AUTS2: variants seen among roughly 807,000 people sequenced by gnomAD.
AUTS2 encodes the protein activator of transcription and developmental regulator AUTS2.
A neutral mutation model predicts 112.4 loss-of-function variants in AUTS2; 17 were observed. The observed-to-expected ratio is 0.15, with a 90% CI of 0.10 to 0.23. AUTS2 has a LOEUF of 0.23. Among genes scored for constraint, AUTS2 ranks in the 10% least tolerant of loss-of-function variants. The pLI, the probability that AUTS2 is intolerant of heterozygous loss-of-function variation, is 1.00. For synonymous variants in AUTS2, 751 were observed against 702.7 expected, an observed-to-expected ratio of 1.07 and a Z score of -1.09; for missense variants, 1,510 against 1,701.6, an observed-to-expected ratio of 0.89 and a Z score of 1.98.
chr7:70,539,150 C>T (rs534541211), intron 5 of AUTS2, among the ~76,000 whole-genome samples: 2 of 152,108 alleles, frequency 1.3e-5, no homozygotes, highest in African/African-American at 2.4e-5. Context: ...GAGGTAGAGT[C>T]GCAACCTGGT....
chr7:70,584,781 C>G (rs572968790), intron 5 of AUTS2, among the ~76,000 whole-genome samples: 1 of 152,240 alleles, frequency 6.6e-6, no homozygotes, highest in African/African-American at 2.4e-5. Context: ...AGGAATCCCT[C>G]GTCCTGCCAG....
At chr7:69,826,316 T>G (rs961949994) in intron 1 of AUTS2, among the ~76,000 whole-genome samples, 5 of 152,160 alleles carry the variant, frequency 3.3e-5, no homozygotes, top group Non-Finnish European at 7.4e-5. Context: ...AGTTTATGGA[T>G]AAAAAAATTT....
At chr7:69,728,167 A>AAGGAGC (rs1034059724) in intron 1 of AUTS2, among the ~76,000 whole-genome samples, 3 of 152,180 alleles carry the variant, frequency 2.0e-5, no homozygotes, top group African/African-American at 7.2e-5. Context: ...TGAGGAAGAG[A>AAGGAGC]AGGAGCAGGA....
intron 1 of AUTS2, among the ~76,000 whole-genome samples, chr7:69,886,744 T>C (rs1160419836): frequency 6.6e-6 from 1 of 150,972 alleles, no homozygotes; most frequent in Non-Finnish European, 1.5e-5. Flanking sequence ...TGCTGCCTGT[T>C]AATGCAGATT....
chr7:70,149,801 A>C (rs530933710), intron 4 of AUTS2, among the ~76,000 whole-genome samples: 33 of 152,112 alleles, frequency 2.2e-4, no homozygotes, highest in Non-Finnish European at 4.6e-4. Flanking sequence ...ATTACTTAAA[A>C]ATCTTGGAAA....
At chr7:70,776,084 A>G (rs1436931814) in intron 13 of AUTS2, among the ~76,000 whole-genome samples, 1 of 152,226 alleles carries the variant, frequency 6.6e-6, no homozygotes, top group Admixed American at 6.5e-5. Flanking sequence ...GTGAGGCAGT[A>G]TATTATTTGT....
At chr7:70,539,116 G>C (rs1360508119) in intron 5 of AUTS2, among the ~76,000 whole-genome samples, 1 of 152,156 alleles carries the variant, frequency 6.6e-6, no homozygotes, top group Non-Finnish European at 1.5e-5. Flanking sequence ...CTTTGGGCTG[G>C]GGGAGTTGGC....
intron 5 of AUTS2, among the ~76,000 whole-genome samples, chr7:70,443,898 C>T (rs766171396): frequency 2.0e-5 from 3 of 152,148 alleles, no homozygotes; most frequent in Non-Finnish European, 2.9e-5. Context: ...AGCTAGCTTA[C>T]GGAATGTGTT....
At chr7:69,969,406 T>C (rs1046641534) in intron 2 of AUTS2, among the ~76,000 whole-genome samples, 2 of 152,194 alleles carry the variant, frequency 1.3e-5, no homozygotes, top group African/African-American at 4.8e-5. Context: ...TAAGGCTCTA[T>C]ACCTAATTGA....
chr7:70,061,086 G>T (rs1802224915), intron 2 of AUTS2, among the ~76,000 whole-genome samples: 1 of 152,156 alleles, frequency 6.6e-6, no homozygotes, highest in Non-Finnish European at 1.5e-5. Context: ...ATTTTATCTG[G>T]CTCTAGCACT....
chr7:70,588,941 C>A (rs1437428015), intron 5 of AUTS2, among the ~76,000 whole-genome samples: 1 of 152,124 alleles, frequency 6.6e-6, no homozygotes, highest in African/African-American at 2.4e-5. Context: ...AGAAACCCTT[C>A]CATTCTGAGA....
intron 1 of AUTS2, among the ~76,000 whole-genome samples, chr7:69,627,261 G>A (rs1793996174): frequency 6.6e-6 from 1 of 152,194 alleles, no homozygotes; most frequent in African/African-American, 2.4e-5. Flanking sequence ...GGGAGGCTAA[G>A]GTGGGCGGAT....
At chr7:70,271,655 T>A (rs1214189858) in intron 4 of AUTS2, among the ~76,000 whole-genome samples, 1 of 152,214 alleles carries the variant, frequency 6.6e-6, no homozygotes. Context: ...TAATATCAGC[T>A]GCTGTTTCTT....
chr7:70,695,706 C>T (rs1809053645), intron 5 of AUTS2, among the ~76,000 whole-genome samples: 1 of 141,298 alleles, frequency 7.1e-6, no homozygotes, highest in African/African-American at 2.4e-5. Context: ...TTCCCGCCTC[C>T]AATCTGTTTC....
At chr7:70,698,754 G>A (rs1809279967) in intron 6 of AUTS2, 134 bp downstream of exon 6, 1 of 700,254 alleles carries the variant, frequency 1.4e-6, no homozygotes, top group East Asian at 2.7e-5. Flanking sequence ...TCATGTTTTT[G>A]CTTGAGATGG....
intron 1 of AUTS2, among the ~76,000 whole-genome samples, chr7:69,664,568 T>C (rs1246665617): frequency 1.3e-5 from 2 of 152,134 alleles, no homozygotes; most frequent in Non-Finnish European, 2.9e-5. Flanking sequence ...ATTGCTGTGG[T>C]TTTCAGAGCT....
chr7:69,742,969 C>T (rs1392545394), intron 1 of AUTS2, among the ~76,000 whole-genome samples: 1 of 152,180 alleles, frequency 6.6e-6, no homozygotes, highest in East Asian at 1.9e-4. Context: ...GTATCTCCTG[C>T]ACAATTAACT....
chr7:69,962,839 G>A (rs961145851), intron 2 of AUTS2, among the ~76,000 whole-genome samples: 2 of 152,074 alleles, frequency 1.3e-5, no homozygotes, highest in Non-Finnish European at 2.9e-5. Flanking sequence ...TACAAAGGGT[G>A]GAAGACGTAC....
At chr7:70,246,977 G>A (rs1219589307) in intron 4 of AUTS2, among the ~76,000 whole-genome samples, 1 of 151,580 alleles carries the variant, frequency 6.6e-6, no homozygotes, top group East Asian at 1.9e-4. Flanking sequence ...TATAAATGGT[G>A]TCTTGAAAAA....
Sources: gnomAD v4.1 joint callset for allele counts (sites outside exome capture counted in the v4.1 genomes callset) on GRCh38, gnomAD v4.1.1 for gene constraint, MANE v1.5 for transcripts, NCBI Gene and HGNC (gene_info 2026-07-23, HGNC 2026-07-21) for gene names.